TSPAN10: variants seen among roughly 807,000 people sequenced by gnomAD.
TSPAN10 encodes the protein tetraspanin 10.
In TSPAN10, 11 loss-of-function variants were observed where a neutral mutation model predicts 15.0. That is an observed-to-expected ratio of 0.73 (90% CI 0.46 to 1.21). TSPAN10 has a LOEUF of 1.21. TSPAN10 is among the 50% of genes most tolerant of loss of function. The probability of loss-of-function intolerance (pLI) is 0.00; values close to 1 mark genes in which losing one functional copy is unlikely to be tolerated. For synonymous variants in TSPAN10, 241 were observed against 226.2 expected, an observed-to-expected ratio of 1.07 and a Z score of -0.59; for missense variants, 486 against 470.6, an observed-to-expected ratio of 1.03 and a Z score of -0.30.
upstream of TSPAN10, among the ~76,000 whole-genome samples, chr17:81,641,911 G>GA (rs2036181759): frequency 6.7e-6 from 1 of 149,422 alleles, no homozygotes; most frequent in African/African-American, 2.5e-5. Context: ...CTGGTGGGGG[G>GA]ACGCTGTTTC....
intron 2 of TSPAN10, among the ~76,000 whole-genome samples, chr17:81,646,839 TTGTTG>T (rs1435671141): frequency 1.7e-3 from 88 of 50,556 alleles, no homozygotes; most frequent in Middle Eastern, 8.9e-3. Flanking sequence ...AGCTGTCTTT[TTGTTG>T]GTTTGTTTGT....
Position 81,647,904 on chromosome 17 carries a change from C to CT in TSPAN10, c.681dup (p.Asn228Ter). 2 of 1,375,736 alleles carry CT rather than the reference C, an allele frequency of 1.5e-6. No homozygotes were observed. The highest frequency in any genetic ancestry group is 1.8e-5 in the Admixed American group (1 of 54,970). 85.2% of individuals were successfully genotyped at this position (1,375,736 alleles called of 1,614,324 possible). A position where few individuals can be genotyped will look rare whatever the true frequency, so the allele number is the denominator to read the frequency against. On this transcript the variant is annotated frameshift_variant, in exon 3 of 3. Coordinates refer to ENST00000611590, the Ensembl canonical transcript of TSPAN10. LOFTEE classifies it low-confidence loss of function (END_TRUNC). ...GACGATTCCATGCGCCTTGCAGGTA[C>CT]TTTAACTGCAGCTCCCCCGGGGTGC...
At chr17:81,647,947 G>T in exon 3 of TSPAN10, 1 of 1,609,236 alleles carries the variant, frequency 6.2e-7, no homozygotes, top group Non-Finnish European at 8.5e-7. Flanking sequence ...CAGCCTTCCC[G>T]CCTCCTGCTG....
exon 3 of TSPAN10, chr17:81,648,230 A>G: frequency 7.9e-7 from 1 of 1,273,328 alleles, no homozygotes; most frequent in Non-Finnish European, 9.8e-7. Context: ...CGCGGGGAGG[A>G]CCGCGCTGGC....
At chr17:81,645,900 ACT>A (rs1271964560) in intron 2 of TSPAN10, 2 of 587,674 alleles carry the variant, frequency 3.4e-6, no homozygotes, top group African/African-American at 3.7e-5. Context: ...TCAGGCACAC[ACT>A]CACACTCAAA....
At chr17:81,647,565 G>C in intron 2 of TSPAN10, 1 of 576,102 alleles carries the variant, frequency 1.7e-6, no homozygotes, top group Non-Finnish European at 3.3e-6. Context: ...CCTTCTCAAT[G>C]AGCTCAGCAG....
chr17:81,645,776 T>C, intron 2 of TSPAN10, 147 bp downstream of exon 3: 2 of 1,048,456 alleles, frequency 1.9e-6, no homozygotes, highest in Non-Finnish European at 2.8e-6. Context: ...TGTACACGCA[T>C]ATCCACACTG....
In TSPAN10 at chr17:81,645,344, T is replaced by A. The variant is rs777729752; in HGVS notation, c.389T>A (p.Val130Glu). Residue 130 changes from valine (V) to glutamate (E), a missense_variant, in exon 2 of 3, where the codon GTG (valine) becomes GAG (glutamate). Physicochemically the swap from Val to Glu is moderately radical, Grantham distance 121. Transcript: ENST00000611590. ...CTGGGGCTGGCACTGGGAGGGCTGG[T>A]GGTCAGCGCAGTGAGCCTGGCTGGC... is the stretch of plus-strand genomic sequence containing the variant. 3.2e-6 allele frequency: 5 copies of A among 1,574,140 alleles called. No individual in the cohort carries two copies. The Admixed American group carries it at 9.3e-5, about 29-fold the overall frequency.
intron 2 of TSPAN10, 117 bp downstream of exon 3, chr17:81,645,746 C>T (rs575285326): frequency 1.5e-6 from 2 of 1,317,724 alleles, no homozygotes; most frequent in Non-Finnish European, 2.1e-6. Flanking sequence ...TGCCCACATG[C>T]ATGCACACGT....
chr17:81,648,142 G>A (rs1292154482), exon 3 of TSPAN10: 1 of 1,507,940 alleles, frequency 6.6e-7, no homozygotes, highest in African/African-American at 1.4e-5. Context: ...GCTGCTGCAG[G>A]GCGCGGAGCT....
chr17:81,647,486 A>T (rs2036270217), intron 2 of TSPAN10: 1 of 475,688 alleles, frequency 2.1e-6, no homozygotes, highest in African/African-American at 2.0e-5. Flanking sequence ...TGCTCTTCCC[A>T]GTAAGACCTG....
intron 1 of TSPAN10, among the ~76,000 whole-genome samples, chr17:81,644,600 C>G (rs1368404517): frequency 1.3e-5 from 2 of 152,224 alleles, no homozygotes; most frequent in Non-Finnish European, 2.9e-5. Context: ...GCAGCCCCGC[C>G]TGTGTGCTGC....
upstream of TSPAN10, among the ~76,000 whole-genome samples, chr17:81,640,427 T>C (rs566995255): frequency 6.6e-6 from 1 of 152,160 alleles, no homozygotes; most frequent in South Asian, 2.1e-4. Flanking sequence ...GTAAGGATGT[T>C]GGATTAGGGC....
intron 1 of TSPAN10, among the ~76,000 whole-genome samples, chr17:81,642,673 A>G (rs895540941): frequency 2.0e-5 from 3 of 152,216 alleles, no homozygotes; most frequent in Non-Finnish European, 2.9e-5. Context: ...GGGATCTGCC[A>G]GATCTCCCTG....
At chr17:81,646,836 T>C (rs2036260700) in intron 2 of TSPAN10, among the ~76,000 whole-genome samples, 1 of 110,096 alleles carries the variant, frequency 9.1e-6, no homozygotes, top group South Asian at 3.9e-4. Context: ...GGTAGCTGTC[T>C]TTTTGTTGGT....
intron 2 of TSPAN10, among the ~76,000 whole-genome samples, chr17:81,647,229 G>A (rs979760444): frequency 1.1e-4 from 16 of 152,114 alleles, no homozygotes; most frequent in Non-Finnish European, 1.9e-4. Context: ...GTGATGCCAC[G>A]TCTGCTGCTG....
upstream of TSPAN10, among the ~76,000 whole-genome samples, chr17:81,640,700 GGC>G (rs2144373452): frequency 6.6e-6 from 1 of 152,028 alleles, no homozygotes; most frequent in South Asian, 2.1e-4. Flanking sequence ...CACCTGCCTC[GGC>G]CTCCCTAAGT....
chr17:81,648,000 C>A lies in TSPAN10; in HGVS notation c.774C>A (p.Cys258Ter). 1.2e-6 allele frequency: 2 copies of A among 1,610,398 alleles called. No homozygotes were observed. The highest frequency in any genetic ancestry group is 8.5e-7 in the Non-Finnish European group (1 of 1,179,038). The change falls in exon 3 of 3, where the codon TGC becomes TGA. Residue 258 changes from cysteine to a stop codon, truncating the protein, a stop_gained. Coordinates refer to ENST00000611590, the Ensembl canonical transcript of TSPAN10. LOFTEE classifies it low-confidence loss of function (END_TRUNC). ...ATGGAGCCTCTGTCAACGACCAGTG[C>A]GGCTTCGGGGTCCTGCGCCTGGATG...
At chr17:81,647,159 C>A (rs996151901) in intron 2 of TSPAN10, among the ~76,000 whole-genome samples, 2 of 152,210 alleles carry the variant, frequency 1.3e-5, no homozygotes, top group African/African-American at 4.8e-5. Flanking sequence ...CTGCAAAGCA[C>A]CACATAGGTT....
Sources: allele counts gnomAD v4.1 joint callset (sites outside exome capture counted in the v4.1 genomes callset), GRCh38; gene constraint gnomAD v4.1.1; transcripts MANE v1.5; gene names NCBI Gene and HGNC (gene_info 2026-07-23, HGNC 2026-07-21).